PABPC4L: variants seen among roughly 807,000 people sequenced by gnomAD.
PABPC4L encodes poly(A) binding protein cytoplasmic 4 like, also known as polyadenylate-binding protein 4-like.
For missense variants in PABPC4L, 452 were observed against 451.4 expected (o/e 1.00, Z -0.01); for synonymous variants, 169 against 164.1 (o/e 1.03, Z -0.23).
At chr4:134,001,619 G>A in the PABPC4L span, among the ~76,000 whole-genome samples, 6 of 152,206 alleles carry the variant, frequency 3.9e-5, no homozygotes, top group South Asian at 2.1e-4. Context: ...AATAGTTAAT[G>A]TGAACTTTCT....
chr4:134,014,822 A>T, the PABPC4L span, among the ~76,000 whole-genome samples: 6 of 152,018 alleles, frequency 3.9e-5, no homozygotes, highest in African/African-American at 1.4e-4. Flanking sequence ...TGTTGTGGGT[A>T]TTGACAGCCA....
At chr4:134,092,331 G>A in the PABPC4L span, among the ~76,000 whole-genome samples, 12 of 152,066 alleles carry the variant, frequency 7.9e-5, no homozygotes, top group South Asian at 1.5e-3. Flanking sequence ...CCTGAATGTC[G>A]AAGAGGCAGC....
At chr4:134,174,185 C>T in the PABPC4L span, among the ~76,000 whole-genome samples, 1 of 151,826 alleles carries the variant, frequency 6.6e-6, no homozygotes, top group East Asian at 1.9e-4. Context: ...TTCCATATCT[C>T]ATCTCATATC....
Position 134,200,722 on chromosome 4 carries a change from C to T in PABPC4L, c.298G>A (p.Val100Ile), listed in dbSNP as rs758355488. 1.0e-5 allele frequency: 16 copies of T among 1,551,524 alleles called. No homozygotes were observed. Among genetic ancestry groups the T allele is most frequent in the Admixed American group, 9.8e-5 (5 of 50,978 alleles). ...GATTTGTCCAGATTCTTGATGAATA[C>T]GTTCCCAATTCCAGATCTCCTCAAG... ...AYLRRSGIGN[V>I]FIKNLDKSID... The change falls in exon 2 of 2, where the codon GTA becomes ATA. Residue 100 changes from valine (V) to isoleucine (I), a missense_variant. Transcript: ENST00000421491.
chr4:133,962,187 C>G, the PABPC4L span, among the ~76,000 whole-genome samples: 1 of 152,100 alleles, frequency 6.6e-6, no homozygotes, highest in African/African-American at 2.4e-5. Context: ...GAGAAGGAAC[C>G]AGAAAACCAA....
the PABPC4L span, among the ~76,000 whole-genome samples, chr4:134,055,998 A>G: frequency 6.6e-6 from 1 of 151,976 alleles, no homozygotes; most frequent in Non-Finnish European, 1.5e-5. Context: ...TATATAATGT[A>G]TGAGACATAG....
At chr4:134,073,150 A>T in the PABPC4L span, among the ~76,000 whole-genome samples, 4 of 152,144 alleles carry the variant, frequency 2.6e-5, no homozygotes, top group Non-Finnish European at 5.9e-5. Context: ...AGTCCCATAT[A>T]AGACAAGGCA....
At chr4:134,120,782 T>C in the PABPC4L span, among the ~76,000 whole-genome samples, 1 of 151,422 alleles carries the variant, frequency 6.6e-6, no homozygotes, top group Non-Finnish European at 1.5e-5. Flanking sequence ...TGCTTTTTGT[T>C]GTTTACTATA....
At chr4:134,111,019 G>A in the PABPC4L span, among the ~76,000 whole-genome samples, 6 of 151,918 alleles carry the variant, frequency 3.9e-5, no homozygotes, top group African/African-American at 1.4e-4. Context: ...ATCTGAGATT[G>A]GGTTATTTTT....
the PABPC4L span, among the ~76,000 whole-genome samples, chr4:134,030,788 A>G: frequency 6.6e-6 from 1 of 152,062 alleles, no homozygotes; most frequent in Non-Finnish European, 1.5e-5. Flanking sequence ...ATAGCAAATT[A>G]AAATAGAAGA....
At chr4:134,152,798 C>T in the PABPC4L span, among the ~76,000 whole-genome samples, 56 of 152,224 alleles carry the variant, frequency 3.7e-4, 1 homozygote, top group Admixed American at 7.2e-4. Context: ...TTTTATTTGG[C>T]TGACACTTCT....
the PABPC4L span, among the ~76,000 whole-genome samples, chr4:134,155,867 A>T: frequency 6.6e-6 from 1 of 152,010 alleles, no homozygotes; most frequent in African/African-American, 2.4e-5. Flanking sequence ...TTAAAAATGG[A>T]TAGCTGTTAG....
In PABPC4L at chr4:134,199,896, G is replaced by C; in HGVS notation, c.*11C>G. 1 of 1,549,890 alleles carries C rather than the reference G, an allele frequency of 6.5e-7. No homozygotes were observed. The highest frequency in any genetic ancestry group is 8.7e-7 in the Non-Finnish European group (1 of 1,146,496). On this transcript the variant is annotated 3_prime_UTR_variant, in exon 2 of 2. Coordinates refer to ENST00000421491, the MANE Select transcript of PABPC4L (RefSeq NM_001114734.2). ...CTGCAGATACTAGCTGGAAAGGTACGTTTTTCTTTCCTAGTGTCTCTGGGC... is the reference window on the plus strand; with the variant it reads ...CTGCAGATACTAGCTGGAAAGGTACCTTTTTCTTTCCTAGTGTCTCTGGGC...
At chr4:134,145,327 G>T in the PABPC4L span, among the ~76,000 whole-genome samples, 1 of 151,836 alleles carries the variant, frequency 6.6e-6, no homozygotes, top group Non-Finnish European at 1.5e-5. Flanking sequence ...ATTTGGAAAA[G>T]AAAAAGATTG....
At chr4:134,102,056 G>A in the PABPC4L span, among the ~76,000 whole-genome samples, 1 of 151,268 alleles carries the variant, frequency 6.6e-6, no homozygotes, top group African/African-American at 2.4e-5. Context: ...AATTTCACTT[G>A]AAAAGTTTTA....
chr4:134,031,710 A>G, the PABPC4L span, among the ~76,000 whole-genome samples: 1 of 151,978 alleles, frequency 6.6e-6, no homozygotes, highest in Non-Finnish European at 1.5e-5. Flanking sequence ...TAGACTCTAA[A>G]GCTGGTAGCA....
chr4:134,027,218 A>G, the PABPC4L span, among the ~76,000 whole-genome samples: 1 of 152,076 alleles, frequency 6.6e-6, no homozygotes, highest in South Asian at 2.1e-4. Flanking sequence ...TTTTTTGTGG[A>G]AAAGCCAGCT....
At chr4:134,119,188 G>T in the PABPC4L span, among the ~76,000 whole-genome samples, 1 of 151,372 alleles carries the variant, frequency 6.6e-6, no homozygotes, top group Admixed American at 6.6e-5. Context: ...AGCAAGAGGA[G>T]AACCATGAAA....
the PABPC4L span, among the ~76,000 whole-genome samples, chr4:133,977,376 G>C: frequency 6.6e-6 from 1 of 152,074 alleles, no homozygotes; most frequent in Non-Finnish European, 1.5e-5. Flanking sequence ...TCTTTGCTTA[G>C]GATTGTCTTG....
Sources: allele counts gnomAD v4.1 joint callset (sites outside exome capture counted in the v4.1 genomes callset), GRCh38; gene constraint gnomAD v4.1.1; transcripts MANE v1.5; gene names NCBI Gene and HGNC (gene_info 2026-07-23, HGNC 2026-07-21).